The following KSR2 variants were observed in gnomAD, a reference collection of about 807,000 sequenced individuals.
KSR2 encodes kinase suppressor of ras 2.
In KSR2, 25 loss-of-function variants were observed where a neutral mutation model predicts 107.8. That is an observed-to-expected ratio of 0.23 (90% CI 0.17 to 0.32). The LOEUF (loss-of-function observed/expected upper bound fraction) is 0.32, where lower values mean the gene tolerates loss of function less well. KSR2 is among the 10% of genes least tolerant of loss of function. The probability of loss-of-function intolerance (pLI) is 1.00; values close to 1 mark genes in which losing one functional copy is unlikely to be tolerated. For synonymous variants in KSR2, 480 were observed against 507.0 expected (o/e 0.95, Z 0.71); for missense variants, 887 against 1,268.9 (o/e 0.70, Z 4.57).
intron 5 of KSR2, among the ~76,000 whole-genome samples, chr12:117,621,200 T>G (rs1297871479): frequency 6.6e-6 from 1 of 152,176 alleles, no homozygotes; most frequent in African/African-American, 2.4e-5. Flanking sequence ...TGCTTTCACA[T>G]GCTCTCTCTT....
intron 1 of KSR2, among the ~76,000 whole-genome samples, chr12:117,931,168 C>A (rs1393492197): frequency 6.6e-6 from 1 of 151,984 alleles, no homozygotes; most frequent in African/African-American, 2.4e-5. Flanking sequence ...ATAAAAACAC[C>A]AAGCTTGAAA....
At chr12:117,797,038 A>G (rs1028176071) in intron 3 of KSR2, among the ~76,000 whole-genome samples, 12 of 152,218 alleles carry the variant, frequency 7.9e-5, no homozygotes, top group African/African-American at 2.9e-4. Flanking sequence ...AGAGCTCACC[A>G]TGCGGATGGG....
intron 1 of KSR2, among the ~76,000 whole-genome samples, chr12:117,923,974 G>T (rs1416341811): frequency 6.6e-6 from 1 of 151,282 alleles, no homozygotes; most frequent in Non-Finnish European, 1.5e-5. Flanking sequence ...CACTTCCGGG[G>T]TTCAAGTGAA....
intron 14 of KSR2, among the ~76,000 whole-genome samples, chr12:117,488,758 G>T (rs377575105): frequency 6.6e-6 from 1 of 150,422 alleles, no homozygotes; most frequent in African/African-American, 2.5e-5. Context: ...GTGCAGTGGC[G>T]CAATGTTGGC....
At chr12:117,966,478 A>G (rs1223964624) in intron 1 of KSR2, among the ~76,000 whole-genome samples, 1 of 152,028 alleles carries the variant, frequency 6.6e-6, no homozygotes, top group Admixed American at 6.6e-5. Flanking sequence ...TGTGCCTCCC[A>G]ACACAATTCC....
intron 3 of KSR2, among the ~76,000 whole-genome samples, chr12:117,791,241 T>A (rs1890238589): frequency 6.6e-6 from 1 of 151,262 alleles, no homozygotes; most frequent in East Asian, 1.9e-4. Context: ...CTCCAGATCC[T>A]TCAGGAGCTT....
chr12:117,809,362 T>C (rs1037203596), intron 3 of KSR2, among the ~76,000 whole-genome samples: 16 of 152,000 alleles, frequency 1.1e-4, no homozygotes, highest in Admixed American at 8.5e-4. Flanking sequence ...TTAGGCAGCA[T>C]CCCTGGCTCC....
At chr12:117,599,256 A>T (rs1880807355) in intron 5 of KSR2, among the ~76,000 whole-genome samples, 1 of 152,166 alleles carries the variant, frequency 6.6e-6, no homozygotes, top group African/African-American at 2.4e-5. Context: ...TCAGCCATTT[A>T]ATGAGACCCC....
chr12:117,832,147 T>A (rs2137117254), intron 3 of KSR2, among the ~76,000 whole-genome samples: 1 of 152,230 alleles, frequency 6.6e-6, no homozygotes, highest in East Asian at 1.9e-4. Flanking sequence ...TAGCTGGGTG[T>A]GGTGACGTGC....
intron 4 of KSR2, among the ~76,000 whole-genome samples, chr12:117,712,683 A>G (rs1427415494): frequency 6.6e-6 from 1 of 152,182 alleles, no homozygotes; most frequent in African/African-American, 2.4e-5. Context: ...CAGACTCAAG[A>G]CTTCAACATC....
At chr12:117,714,470 T>C (rs1318906664) in intron 4 of KSR2, among the ~76,000 whole-genome samples, 1 of 152,166 alleles carries the variant, frequency 6.6e-6, no homozygotes, top group Admixed American at 6.5e-5. Flanking sequence ...AGAGGGGCCA[T>C]AGGGAGAGAA....
At chr12:117,598,953 C>T (rs7313062) in intron 5 of KSR2, among the ~76,000 whole-genome samples, 72,668 of 151,802 alleles carry the variant, frequency 0.48, 19,078 homozygotes, top group East Asian at 0.58. Flanking sequence ...AAGTCCTCCC[C>T]GACCTTTCCT....
chr12:117,793,413 A>C (rs1434438253), intron 3 of KSR2, among the ~76,000 whole-genome samples: 1 of 150,102 alleles, frequency 6.7e-6, no homozygotes, highest in Non-Finnish European at 1.5e-5. Context: ...GCACACATAC[A>C]CACCAAAATG....
At chr12:117,717,380 AT>A (rs771826084) in intron 4 of KSR2, among the ~76,000 whole-genome samples, 3 of 152,148 alleles carry the variant, frequency 2.0e-5, no homozygotes, top group Non-Finnish European at 4.4e-5. Flanking sequence ...TTAGCTAAGC[AT>A]GGTGGTACAT....
At chr12:117,768,322 T>A (rs1889318753) in intron 3 of KSR2, among the ~76,000 whole-genome samples, 1 of 152,202 alleles carries the variant, frequency 6.6e-6, no homozygotes. Context: ...CTGGTGCTTC[T>A]TTGATCATAT....
At chr12:117,638,565 A>G (rs1191943063) in intron 5 of KSR2, among the ~76,000 whole-genome samples, 1 of 152,146 alleles carries the variant, frequency 6.6e-6, no homozygotes, top group Non-Finnish European at 1.5e-5. Flanking sequence ...CATTTCTATG[A>G]AGTTCAAAAC....
intron 5 of KSR2, among the ~76,000 whole-genome samples, chr12:117,604,028 T>A (rs1449940652): frequency 6.6e-6 from 1 of 152,196 alleles, no homozygotes; most frequent in African/African-American, 2.4e-5. Flanking sequence ...ACATTGGGGT[T>A]TCCATGTCTT....
intron 5 of KSR2, among the ~76,000 whole-genome samples, chr12:117,635,188 C>T (rs951578486): frequency 2.6e-5 from 4 of 152,168 alleles, no homozygotes; most frequent in African/African-American, 9.7e-5. Context: ...CTTGCTCTTT[C>T]CTGTCTTCCC....
chr12:117,665,082 C>T (rs900319557), intron 5 of KSR2, among the ~76,000 whole-genome samples: 5 of 152,164 alleles, frequency 3.3e-5, no homozygotes, highest in African/African-American at 4.8e-5. Flanking sequence ...CTCATTCTTC[C>T]ACTGAGACTC....
Sources: gnomAD v4.1 joint callset for allele counts (sites outside exome capture counted in the v4.1 genomes callset) on GRCh38, gnomAD v4.1.1 for gene constraint, MANE v1.5 for transcripts, NCBI Gene and HGNC (gene_info 2026-07-23, HGNC 2026-07-21) for gene names.